Variants in IPO8 observed in about 807,000 individuals in gnomAD.
IPO8 encodes the protein importin-8.
Under a neutral mutation model 141.2 loss-of-function variants are expected in IPO8, and 65 were observed. That is an observed-to-expected ratio of 0.46 (90% CI 0.38 to 0.57). The LOEUF is 0.57. IPO8 is among the 20% of genes least tolerant of loss of function. The probability of loss-of-function intolerance (pLI) is 0.00; values close to 1 mark genes in which losing one functional copy is unlikely to be tolerated. For synonymous variants in IPO8, 411 were observed against 420.3 expected, an observed-to-expected ratio of 0.98 and a Z score of 0.27; for missense variants, 980 against 1,246.8, an observed-to-expected ratio of 0.79 and a Z score of 3.22.
At chr12:30,672,686 T>C (rs1474210959) in intron 8 of IPO8, among the ~76,000 whole-genome samples, 1 of 152,156 alleles carries the variant, frequency 6.6e-6, no homozygotes, top group African/African-American at 2.4e-5. Context: ...TTAACATTAG[T>C]GGACAGCACT....
At chr12:30,690,636 T>C in intron 1 of IPO8, 59 bp from the exon 2 acceptor site, 2 of 859,820 alleles carry the variant, frequency 2.3e-6, no homozygotes, top group South Asian at 3.2e-5. Context: ...AGCTTATAAG[T>C]TAGCACCGGT....
intron 1 of IPO8, among the ~76,000 whole-genome samples, chr12:30,692,271 G>C (rs1307109536): frequency 6.6e-6 from 1 of 152,154 alleles, no homozygotes; most frequent in Admixed American, 6.5e-5. Context: ...TATACCTATT[G>C]CAGAGACTTT....
intron 18 of IPO8, 77 bp from the exon 19 acceptor site, chr12:30,652,366 C>T (rs2052740064): frequency 1.2e-6 from 1 of 824,172 alleles, no homozygotes; most frequent in Admixed American, 2.1e-5. Flanking sequence ...AACCATATTT[C>T]TGTAGCACCC....
At chr12:30,682,416 G>A (rs2053198743) in intron 3 of IPO8, among the ~76,000 whole-genome samples, 1 of 152,166 alleles carries the variant, frequency 6.6e-6, no homozygotes, top group Non-Finnish European at 1.5e-5. Context: ...AATTCCTGAA[G>A]AGGAGAGCTA....
chr12:30,690,138 C>T (rs2053277962), intron 2 of IPO8, among the ~76,000 whole-genome samples: 1 of 152,188 alleles, frequency 6.6e-6, no homozygotes, highest in African/African-American at 2.4e-5. Flanking sequence ...CTCGAATTCA[C>T]ATATATAAAT....
chr12:30,633,894 G>A (rs1459727036), intron 23 of IPO8, among the ~76,000 whole-genome samples, 189 bp downstream of exon 23: 1 of 152,168 alleles, frequency 6.6e-6, no homozygotes, highest in African/African-American at 2.4e-5. Context: ...AGGATTGGGT[G>A]ATAGGTGTTT....
chr12:30,664,863 C>G (rs1402197011), intron 13 of IPO8, among the ~76,000 whole-genome samples: 1 of 152,172 alleles, frequency 6.6e-6, no homozygotes, highest in Non-Finnish European at 1.5e-5. Flanking sequence ...GCTCAGCCTC[C>G]CTAGTAGCTG....
intron 23 of IPO8, among the ~76,000 whole-genome samples, chr12:30,633,265 AG>A (rs1295368292): frequency 6.6e-6 from 1 of 152,198 alleles, no homozygotes; most frequent in Admixed American, 6.5e-5. Context: ...TTTACATGTA[AG>A]GATGTTCATT....
intron 23 of IPO8, among the ~76,000 whole-genome samples, chr12:30,633,277 T>A (rs190622439): frequency 6.6e-6 from 1 of 152,346 alleles, no homozygotes; most frequent in Admixed American, 6.5e-5. Flanking sequence ...GATGTTCATT[T>A]TAATAACCCT....
intron 16 of IPO8, among the ~76,000 whole-genome samples, chr12:30,657,578 C>T (rs1395881202): frequency 6.6e-6 from 1 of 152,104 alleles, no homozygotes; most frequent in East Asian, 1.9e-4. Context: ...CAAAATGACA[C>T]ATAAAAGGCC....
chr12:30,665,336 C>G, intron 12 of IPO8, 27 bp from the exon 13 acceptor site: 1 of 1,309,910 alleles, frequency 7.6e-7, no homozygotes, highest in African/African-American at 1.5e-5. Flanking sequence ...TTCAACTTAT[C>G]AATTTCTTTT....
Position 30,634,162 on chromosome 12 carries a change from G to T in IPO8, c.2820C>A (p.Thr940=), listed in dbSNP as rs767569677. The change falls in exon 23 of 25, where the codon ACC becomes ACA. Residue 940 remains threonine, a synonymous_variant. Transcript: ENST00000256079. ...DDWDEEVLEE[T]ALEGFSTPLD... The stretch of plus-strand genomic sequence containing the variant: ...GTGGAGTACTGAACCCCTCAAGCGC[G>T]GTTTCTTCCAATACTTCTTCATCCC... The T allele has an allele frequency of 1.2e-5, 19 of 1,613,720 alleles. No individual in the cohort carries two copies. Among genetic ancestry groups the T allele is most frequent in the Non-Finnish European group, 1.5e-5 (18 of 1,179,896 alleles).
intron 5 of IPO8, among the ~76,000 whole-genome samples, chr12:30,679,513 T>G (rs868000971): frequency 2.0e-5 from 3 of 152,122 alleles, no homozygotes; most frequent in Non-Finnish European, 2.9e-5. Context: ...ATTTTCCTAG[T>G]ATTCTAGTTT....
At position 30,695,082 on chromosome 12, in the gene IPO8, G is replaced by A. The variant is rs1361495849; in HGVS notation, c.84+482C>T. 7 of 455,076 alleles carry A rather than the reference G, an allele frequency of 1.5e-5. No homozygotes were observed. In the East Asian group the frequency reaches 4.2e-4, roughly 27 times the overall value. The allele number at this position is 455,076 out of a possible 1,614,324, so 28.2% of individuals were successfully genotyped here. ...AGCGCTCCGCAAAACTCGGCCAATC[G>A]GTGTCAAAACAGTCCTGCCAACCCG... On this transcript the variant is annotated intron_variant, in intron 1 of 24. Transcript: ENST00000256079. This position sits in a 1 kb window ranked among gnomAD's most constrained non-coding sequence, Gnocchi z 4.2.
At chr12:30,661,626 A>C (rs934228210) in intron 15 of IPO8, among the ~76,000 whole-genome samples, 13 of 151,468 alleles carry the variant, frequency 8.6e-5, no homozygotes, top group Non-Finnish European at 1.8e-4. Flanking sequence ...AAAAAAAAAA[A>C]CAGACATGGA....
chr12:30,670,881 T>C (rs901636415), intron 9 of IPO8, 81 bp downstream of exon 9: 4 of 1,126,050 alleles, frequency 3.6e-6, no homozygotes, highest in Admixed American at 2.3e-5. Flanking sequence ...ATGTAAAATA[T>C]AGGATTAGTA....
chr12:30,680,586 G>C lies in IPO8; in HGVS notation c.535C>G (p.Leu179Val). ...EPLIIAMQIF[L>V]PRIQQQIVQL... ...ACAATTTGTTGCTGAATACGAGGCA[G>C]GAATATCTGCATTGCTATTATAAGA... is the stretch of plus-strand genomic sequence containing the variant. The change falls in exon 5 of 25, where the codon CTG (leucine) becomes GTG (valine). Residue 179 changes from leucine to valine, a missense_variant. By Grantham distance (32) the Leu-to-Val change is conservative. Coordinates refer to ENST00000256079, the MANE Select transcript of IPO8 (RefSeq NM_006390.4). The C allele has an allele frequency of 1.2e-6, 2 of 1,612,470 alleles. No individual in the cohort carries two copies. The highest frequency in any genetic ancestry group is 1.7e-6 in the Non-Finnish European group (2 of 1,179,006).
intron 5 of IPO8, chr12:30,677,030 C>T (rs1327783523): frequency 2.0e-6 from 3 of 1,526,860 alleles, no homozygotes; most frequent in East Asian, 2.5e-5. Flanking sequence ...TTGTACTAAA[C>T]AGATATATGG....
intron 19 of IPO8, among the ~76,000 whole-genome samples, chr12:30,651,956 G>T (rs2052732856): frequency 6.6e-6 from 1 of 151,614 alleles, no homozygotes; most frequent in Non-Finnish European, 1.5e-5. Flanking sequence ...ATGTCCAAAA[G>T]AAAAAACAAA....
Sources: allele counts gnomAD v4.1 joint callset (sites outside exome capture counted in the v4.1 genomes callset), GRCh38; gene constraint gnomAD v4.1.1; non-coding constraint Gnocchi (gnomAD v3.1); transcripts MANE v1.5; gene names NCBI Gene and HGNC (gene_info 2026-07-23, HGNC 2026-07-21).